Variants in DNAH9 observed in about 807,000 individuals in gnomAD.
DNAH9 encodes DNAH9 variant protein.
A neutral mutation model predicts 471.6 loss-of-function variants in DNAH9; 345 were observed. That is an observed-to-expected ratio of 0.73 (90% CI 0.67 to 0.80). The LOEUF is 0.80. DNAH9 is among the 30% of genes least tolerant of loss of function. DNAH9 has a pLI of 0.00. For missense variants in DNAH9, 5,407 were observed against 5,609.2 expected, an observed-to-expected ratio of 0.96 and a Z score of 1.15; for synonymous variants, 2,093 against 2,123.6, an observed-to-expected ratio of 0.99 and a Z score of 0.40.
At chr17:11,750,469 T>C (rs986702126) in intron 32 of DNAH9, among the ~76,000 whole-genome samples, 5 of 152,166 alleles carry the variant, frequency 3.3e-5, no homozygotes, top group East Asian at 3.8e-4. Context: ...ATCCCATAAA[T>C]AGAAAGTATT....
At chr17:11,701,272 C>T (rs1394950788) in intron 24 of DNAH9, 25 bp downstream of exon 24, 2 of 1,611,612 alleles carry the variant, frequency 1.2e-6, no homozygotes, top group East Asian at 2.2e-5. Flanking sequence ...GGATCCCCAT[C>T]CTCCATGGTT....
chr17:11,947,772 AT>A (rs71367359), intron 67 of DNAH9, among the ~76,000 whole-genome samples: 3,359 of 107,556 alleles, frequency 0.031, 95 homozygotes, highest in East Asian at 0.051. Flanking sequence ...GCTGGGAACT[AT>A]TTTTTTTTTT....
intron 5 of DNAH9, among the ~76,000 whole-genome samples, 155 bp from the exon 6 acceptor site, chr17:11,619,393 C>T (rs932641771): frequency 2.6e-5 from 4 of 152,132 alleles, no homozygotes; most frequent in Non-Finnish European, 5.9e-5. Context: ...AAACCCAGGT[C>T]GCAGTCCACA....
chr17:11,651,206 G>A lies in DNAH9; in HGVS notation c.2235G>A (p.Trp745Ter), dbSNP rs1245947137. The A allele has an allele frequency of 3.1e-6, 5 of 1,614,058 alleles. No homozygotes were observed. The highest frequency in any genetic ancestry group is 4.2e-6 in the Non-Finnish European group (5 of 1,180,006). Reference sequence around the variant, plus strand: ...CTAATTTAGAGTTGATGGCAAATTGGTACAACAAGGTTATGAAAACTCTGC... The same window carrying A: ...CTAATTTAGAGTTGATGGCAAATTGATACAACAAGGTTATGAAAACTCTGC... ...LVANLELMAN[W>*]YNKVMKTLLE... The change falls in exon 13 of 69, where the codon TGG (tryptophan) becomes TGA (stop). Residue 745 changes from tryptophan to a stop codon, truncating the protein, a stop_gained. Coordinates refer to ENST00000262442, the MANE Select transcript of DNAH9 (RefSeq NM_001372.4). LOFTEE classifies it high-confidence loss of function.
rs1190574491 is a variant in DNAH9, at chr17:11,702,331, C to G, written c.5151+1084C>G. On this transcript the variant is annotated intron_variant, in intron 24 of 68. Transcript: ENST00000262442. ...AAGCATAATAAGAGAGAAGCCAGACCTAACAAGAAATGTTTAAAGTAACTC... is the reference window on the plus strand; with the variant it reads ...AAGCATAATAAGAGAGAAGCCAGACGTAACAAGAAATGTTTAAAGTAACTC... Among the ~76,000 whole-genome samples, 3 of 152,288 alleles carry G rather than the reference C, an allele frequency of 2.0e-5. No homozygotes were observed. The East Asian group carries it at 5.8e-4, about 29-fold the overall frequency.
At chr17:11,618,584 C>A (rs201768286) in intron 5 of DNAH9, among the ~76,000 whole-genome samples, 106 of 139,890 alleles carry the variant, frequency 7.6e-4, no homozygotes, top group Middle Eastern at 3.8e-3. Context: ...GACTCCATCT[C>A]AAAAAAAAAA....
intron 48 of DNAH9, among the ~76,000 whole-genome samples, chr17:11,829,234 TA>T: frequency 6.6e-6 from 1 of 152,330 alleles, no homozygotes; most frequent in South Asian, 2.1e-4. Flanking sequence ...AATAGTGGTA[TA>T]AGGCTAAGGA....
intron 49 of DNAH9, among the ~76,000 whole-genome samples, chr17:11,842,633 A>C (rs967183658): frequency 6.6e-6 from 1 of 152,228 alleles, no homozygotes; most frequent in Admixed American, 6.5e-5. Flanking sequence ...CCAAGAGTCC[A>C]AAGCCTGAAG....
chr17:11,933,105 C>A (rs1431193904), intron 64 of DNAH9, among the ~76,000 whole-genome samples: 2 of 152,110 alleles, frequency 1.3e-5, no homozygotes, highest in African/African-American at 4.8e-5. Context: ...GACCTCCCTC[C>A]CTAAGTCTCA....
At chr17:11,764,078 C>T (rs572686363) in intron 36 of DNAH9, among the ~76,000 whole-genome samples, 125 of 152,144 alleles carry the variant, frequency 8.2e-4, no homozygotes, top group Non-Finnish European at 1.2e-3. Flanking sequence ...TCCATACGCG[C>T]GAAACTCAAA....
chr17:11,675,873 T>A (rs1267678818), intron 17 of DNAH9, among the ~76,000 whole-genome samples: 3 of 152,066 alleles, frequency 2.0e-5, no homozygotes, highest in African/African-American at 7.3e-5. Context: ...GTGATTGAAT[T>A]TGGCCTTCAA....
chr17:11,824,886 T>TCTCCTC (rs1236245807), intron 48 of DNAH9, among the ~76,000 whole-genome samples: 1 of 151,424 alleles, frequency 6.6e-6, no homozygotes, highest in African/African-American at 2.4e-5. Flanking sequence ...TCCTTCTCCT[T>TCTCCTC]CTCCTCCTCC....
intron 14 of DNAH9, among the ~76,000 whole-genome samples, chr17:11,659,775 C>T (rs1323067954): frequency 2.0e-5 from 3 of 152,342 alleles, no homozygotes; most frequent in South Asian, 2.1e-4. Context: ...AGTGTGGGCT[C>T]CCAGAGCTCG....
chr17:11,738,684 G>A (rs535478009), intron 28 of DNAH9, among the ~76,000 whole-genome samples, 196 bp from the exon 29 acceptor site: 2 of 152,138 alleles, frequency 1.3e-5, no homozygotes, highest in Non-Finnish European at 2.9e-5. Flanking sequence ...CCTAGCAGTG[G>A]CCAGATTTCT....
chr17:11,664,800 C>T lies in DNAH9; in HGVS notation c.2596-33C>T, dbSNP rs113972002. The T allele has an allele frequency of 5.7e-4, 909 of 1,586,210 alleles. 6 individuals are homozygous for T. The African/African-American group carries it at 0.01, about 18-fold the overall frequency. The stretch of plus-strand genomic sequence containing the variant: ...ACACCAGTTCTTTCATGCTATTAAA[C>T]GAGGTTTATATCCTTTCTTCTTCCT... On this transcript the variant is annotated intron_variant, in intron 14 of 68. Coordinates refer to ENST00000262442, the MANE Select transcript of DNAH9 (RefSeq NM_001372.4).
chr17:11,704,320 C>T lies in DNAH9; in HGVS notation c.5269C>T (p.Leu1757Phe), dbSNP rs560123417. The T allele has an allele frequency of 5.0e-6, 8 of 1,614,190 alleles. No individual in the cohort carries two copies. The African/African-American group carries it at 6.7e-5, about 13-fold the overall frequency. Residue 1757 changes from leucine to phenylalanine, a missense_variant, in exon 25 of 69, where the codon CTC (leucine) becomes TTC (phenylalanine). Coordinates refer to ENST00000262442, the MANE Select transcript of DNAH9 (RefSeq NM_001372.4). ...KDYYKKQVAQ[L>F]KTLITMLIGQ... is the part of the protein sequence containing the mutation. ...CTATTATAAGAAGCAAGTGGCCCAGCTCAAAACCCTTATCACCATGCTGAT... is the reference window on the plus strand; with the variant it reads ...CTATTATAAGAAGCAAGTGGCCCAGTTCAAAACCCTTATCACCATGCTGAT...
intron 43 of DNAH9, among the ~76,000 whole-genome samples, chr17:11,806,326 T>C (rs1969680873): frequency 2.0e-5 from 3 of 152,164 alleles, no homozygotes; most frequent in Non-Finnish European, 4.4e-5. Context: ...CTAGAACTTA[T>C]CCTGAGGATA....
chr17:11,614,718 G>A (rs949272723), intron 4 of DNAH9, among the ~76,000 whole-genome samples: 16 of 152,182 alleles, frequency 1.1e-4, no homozygotes, highest in Non-Finnish European at 1.5e-5. Context: ...CCAAGATGGC[G>A]CCTTGTTGCT....
chr17:11,760,001 T>C (rs1017840624), intron 35 of DNAH9, among the ~76,000 whole-genome samples: 3 of 152,116 alleles, frequency 2.0e-5, no homozygotes, highest in Non-Finnish European at 4.4e-5. Flanking sequence ...TTTGTATTTT[T>C]AGTAGAGACA....
Sources: gnomAD v4.1 joint callset for allele counts (sites outside exome capture counted in the v4.1 genomes callset) on GRCh38, gnomAD v4.1.1 for gene constraint, MANE v1.5 for transcripts, NCBI Gene and HGNC (gene_info 2026-07-23, HGNC 2026-07-21) for gene names.